Variants in MAML2 observed in about 807,000 individuals in gnomAD.
The protein encoded by MAML2 is mastermind like transcriptional coactivator 2, also known as mastermind-like protein 2.
Under a neutral mutation model 96.1 loss-of-function variants are expected in MAML2, and 22 were observed. The ratio of observed to expected loss-of-function variants is 0.23; its 90% confidence interval spans 0.16 to 0.33. MAML2 has a LOEUF of 0.33. Among genes scored for constraint, MAML2 ranks in the 10% least tolerant of loss-of-function variants. The probability of loss-of-function intolerance (pLI) is 1.00; values close to 1 mark genes in which losing one functional copy is unlikely to be tolerated. For missense variants in MAML2, 1,367 were observed against 1,392.4 expected (o/e 0.98, Z 0.29); for synonymous variants, 561 against 521.3 (o/e 1.08, Z -1.04).
intron 1 of MAML2, among the ~76,000 whole-genome samples, chr11:96,320,855 C>G (rs1389534006): frequency 2.0e-5 from 3 of 152,134 alleles, no homozygotes; most frequent in Non-Finnish European, 4.4e-5. Context: ...GAAAACATAT[C>G]ATATGACAAG....
intron 2 of MAML2, among the ~76,000 whole-genome samples, chr11:96,070,552 G>T (rs1236071770): frequency 6.6e-6 from 1 of 152,240 alleles, no homozygotes; most frequent in African/African-American, 2.4e-5. Flanking sequence ...TGGTCCAGCT[G>T]CAGCCTTGCA....
chr11:96,196,765 C>T (rs1407154183), intron 1 of MAML2, among the ~76,000 whole-genome samples: 2 of 152,140 alleles, frequency 1.3e-5, no homozygotes, highest in East Asian at 3.8e-4. Context: ...ATTTTATTCT[C>T]TATCTTTTCA....
intron 1 of MAML2, among the ~76,000 whole-genome samples, chr11:96,143,062 T>C (rs1486008808): frequency 6.6e-6 from 1 of 152,230 alleles, no homozygotes; most frequent in East Asian, 1.9e-4. Flanking sequence ...TAGACTTTTA[T>C]TGGAATACAA....
intron 2 of MAML2, among the ~76,000 whole-genome samples, chr11:95,993,263 AG>A (rs1360069017): frequency 3.3e-5 from 5 of 152,050 alleles, no homozygotes; most frequent in Admixed American, 3.3e-4. Flanking sequence ...TAAGGTTACA[AG>A]ACATAAAAAC....
At chr11:96,335,584 G>A (rs570272778) in intron 1 of MAML2, among the ~76,000 whole-genome samples, 2 of 152,284 alleles carry the variant, frequency 1.3e-5, no homozygotes, top group South Asian at 2.1e-4. Flanking sequence ...GCAGCTCAAG[G>A]GACTTGAAGA....
intron 1 of MAML2, among the ~76,000 whole-genome samples, chr11:96,285,150 CTCTCT>C (rs375873141): frequency 2.3e-3 from 350 of 152,268 alleles, no homozygotes; most frequent in African/African-American, 8.0e-3. Flanking sequence ...TTTGACATGA[CTCTCT>C]TCTCTTAACA....
rs1857680674 is a variant in MAML2 at position 95,978,368 on chromosome 11, A to G, written c.*580T>C. 1 of 197,234 alleles carries G rather than the reference A, an allele frequency of 5.1e-6. No individual in the cohort carries two copies. The highest frequency in any genetic ancestry group is 2.3e-5 in the African/African-American group (1 of 43,336). The allele number at this position is 197,234 out of a possible 1,614,324, so 12.2% of individuals were successfully genotyped here. ...GTAAAAGTGAGGAGTGAATATGGGG[A>G]AGAAATTCTGTAATCCACTGGATGT... is the stretch of plus-strand genomic sequence containing the variant. On this transcript the variant is annotated 3_prime_UTR_variant, in exon 5 of 5. Coordinates refer to ENST00000524717, the MANE Select transcript of MAML2 (RefSeq NM_032427.4).
chr11:96,191,328 G>T (rs183005393), intron 1 of MAML2, among the ~76,000 whole-genome samples: 4 of 152,052 alleles, frequency 2.6e-5, no homozygotes, highest in African/African-American at 9.6e-5. Context: ...GCTGGGTGTG[G>T]TGGCGCATGC....
intron 1 of MAML2, among the ~76,000 whole-genome samples, chr11:96,260,870 T>A (rs1380192157): frequency 6.6e-6 from 1 of 151,878 alleles, no homozygotes; most frequent in Non-Finnish European, 1.5e-5. Flanking sequence ...CTTAAAAAGG[T>A]TGTTTTTTTG....
At chr11:96,245,991 C>CCATGCCTGGCGTGTTTTACTTTTTAA (rs1555029517) in intron 1 of MAML2, among the ~76,000 whole-genome samples, 12 of 152,260 alleles carry the variant, frequency 7.9e-5, no homozygotes, top group Non-Finnish European at 1.6e-4. Context: ...GTGTGAGCCA[C>CCATGCCTGGCGTGTTTTACTTTTTAA]TGTGCCCAGC....
intron 2 of MAML2, among the ~76,000 whole-genome samples, chr11:96,045,839 AT>A (rs779702587): frequency 8.8e-5 from 13 of 147,362 alleles, no homozygotes; most frequent in South Asian, 2.2e-4. Context: ...TAATAATGGG[AT>A]TTTTTTTCCC....
chr11:96,301,454 C>A (rs1863386481), intron 1 of MAML2, among the ~76,000 whole-genome samples: 1 of 152,224 alleles, frequency 6.6e-6, no homozygotes, highest in African/African-American at 2.4e-5. Flanking sequence ...CTCCTCTCCA[C>A]TGCGTAGGCC....
chr11:96,096,219 G>A (rs1313713563), intron 1 of MAML2, among the ~76,000 whole-genome samples: 2 of 152,152 alleles, frequency 1.3e-5, no homozygotes, highest in African/African-American at 4.8e-5. Context: ...CACTGCTCTG[G>A]CCACTCCCTG....
intron 2 of MAML2, among the ~76,000 whole-genome samples, chr11:96,071,707 T>G (rs1204615552): frequency 3.3e-5 from 5 of 152,212 alleles, no homozygotes; most frequent in Non-Finnish European, 7.3e-5. Flanking sequence ...GATATTTAGG[T>G]GCACTGGAAT....
chr11:96,214,859 C>T (rs1862025987), intron 1 of MAML2, among the ~76,000 whole-genome samples: 2 of 152,140 alleles, frequency 1.3e-5, no homozygotes, highest in South Asian at 4.1e-4. Flanking sequence ...GCCAAAAATG[C>T]ACATGCTCTG....
At chr11:96,088,402 G>T (rs781080555) in intron 2 of MAML2, among the ~76,000 whole-genome samples, 1 of 152,068 alleles carries the variant, frequency 6.6e-6, no homozygotes, top group Admixed American at 6.5e-5. Context: ...ATCACTTTTT[G>T]GTTCAAGAGG....
chr11:96,246,843 A>G (rs756697404), intron 1 of MAML2, among the ~76,000 whole-genome samples: 1 of 152,130 alleles, frequency 6.6e-6, no homozygotes, highest in African/African-American at 2.4e-5. Context: ...AGCATTTGTC[A>G]ATTACGAATG....
At chr11:96,292,630 T>C (rs1453732236) in intron 1 of MAML2, among the ~76,000 whole-genome samples, 3 of 152,232 alleles carry the variant, frequency 2.0e-5, no homozygotes, top group African/African-American at 7.2e-5. Flanking sequence ...AAAGTTCCTT[T>C]TTTATCTGTT....
In MAML2 at chr11:95,979,128, A is replaced by G; in HGVS notation, c.3291T>C (p.Phe1097=). ...FPSPNQSSRA[F]QGTDHSSDLA... ...AGTCACTGCTGTGGTCAGTTCCTTG[A>G]AAAGCCCTGGAACTTTGGTTGGGTG... is the stretch of plus-strand genomic sequence containing the variant. The change falls in exon 5 of 5, where the codon TTT becomes TTC. Residue 1097 remains phenylalanine (F), a synonymous_variant. Coordinates refer to ENST00000524717, the MANE Select transcript of MAML2 (RefSeq NM_032427.4). The G allele has an allele frequency of 6.2e-7, 1 of 1,613,994 alleles. No homozygotes were observed. Among genetic ancestry groups the G allele is most frequent in the Non-Finnish European group, 8.5e-7 (1 of 1,179,882 alleles).
Sources: allele counts gnomAD v4.1 joint callset (sites outside exome capture counted in the v4.1 genomes callset), GRCh38; gene constraint gnomAD v4.1.1; transcripts MANE v1.5; gene names NCBI Gene and HGNC (gene_info 2026-07-23, HGNC 2026-07-21).